The following GAST variants were observed in gnomAD, a reference collection of about 807,000 sequenced individuals.
GAST encodes gastrin.
In GAST, 9 loss-of-function variants were observed where a neutral mutation model predicts 12.5. The observed-to-expected ratio is 0.72, with a 90% CI of 0.43 to 1.25. GAST has a LOEUF of 1.25. GAST is among the 50% of genes most tolerant of loss of function. The pLI is 0.00. For synonymous variants in GAST, 52 were observed against 51.1 expected (o/e 1.02, Z -0.08); for missense variants, 121 against 127.7 (o/e 0.95, Z 0.25).
chr17:41,712,668 G>C (rs1165012919), intron 1 of GAST, among the ~76,000 whole-genome samples: 1 of 152,186 alleles, frequency 6.6e-6, no homozygotes, highest in Non-Finnish European at 1.5e-5. Flanking sequence ...AGGAGGACTG[G>C]GGTTCTTCTC....
intron 1 of GAST, among the ~76,000 whole-genome samples, chr17:41,713,459 A>G (rs7210961): frequency 0.83 from 126,877 of 152,018 alleles, 53,125 homozygotes; most frequent in Middle Eastern, 0.93. Context: ...GGGAGGCTGA[A>G]GCAAGCAGAT....
chr17:41,714,477 A>G (rs1219790213), intron 1 of GAST, among the ~76,000 whole-genome samples: 4 of 152,140 alleles, frequency 2.6e-5, no homozygotes, highest in Non-Finnish European at 5.9e-5. Context: ...TTCACTTTAA[A>G]TAACAAGTCT....
In GAST at chr17:41,715,655, C is replaced by G; in HGVS notation, c.211+8C>G. 6.2e-7 allele frequency: 1 copy of G among 1,612,626 alleles called. No homozygotes were observed. Among genetic ancestry groups the G allele is most frequent in the Non-Finnish European group, 8.5e-7 (1 of 1,179,172 alleles). On this transcript the variant is annotated splice_region_variant and intron_variant, in intron 2 of 2. Coordinates refer to ENST00000329402, the MANE Select transcript of GAST (RefSeq NM_000805.5). ...CCCCACACCTCGTGGCAGGTAGGAG[C>G]TGCTGACTGCCCTGCTTGCCTCACT...
intron 1 of GAST, among the ~76,000 whole-genome samples, chr17:41,714,764 G>T (rs1555585603): frequency 6.6e-6 from 1 of 151,564 alleles, no homozygotes; most frequent in African/African-American, 2.4e-5. Context: ...GACAGAGTGA[G>T]ACCCTGTCTC....
chr17:41,714,960 G>A (rs1218601960), intron 1 of GAST, among the ~76,000 whole-genome samples: 1 of 152,104 alleles, frequency 6.6e-6, no homozygotes, highest in Non-Finnish European at 1.5e-5. Context: ...GGAACTGGCA[G>A]AAACTGGAGA....
intron 1 of GAST, 146 bp downstream of exon 1, chr17:41,712,533 G>C (rs1476536984): frequency 6.6e-6 from 1 of 152,422 alleles, no homozygotes; most frequent in Non-Finnish European, 1.5e-5. Context: ...TCCCAGGATG[G>C]AACTAGGTCT....
chr17:41,714,088 C>T (rs1555585520), intron 1 of GAST, among the ~76,000 whole-genome samples: 2 of 152,226 alleles, frequency 1.3e-5, no homozygotes, highest in Non-Finnish European at 2.9e-5. Context: ...ATTGAATGTG[C>T]TGCAGTCTCC....
chr17:41,715,104 G>A (rs530174780), intron 1 of GAST, among the ~76,000 whole-genome samples: 1 of 152,234 alleles, frequency 6.6e-6, no homozygotes, highest in Admixed American at 6.5e-5. Context: ...TTCGAGACCA[G>A]CCTGGCCAAC....
intron 1 of GAST, among the ~76,000 whole-genome samples, chr17:41,714,438 G>T (rs782190011): frequency 4.6e-5 from 7 of 152,116 alleles, no homozygotes; most frequent in Non-Finnish European, 8.8e-5. Flanking sequence ...CTCCCAAAGT[G>T]CTGGGATTAC....
chr17:41,713,908 TTA>T (rs1221036466), intron 1 of GAST, among the ~76,000 whole-genome samples: 22 of 152,220 alleles, frequency 1.4e-4, no homozygotes, highest in African/African-American at 4.6e-4. Context: ...TAGTTCTGTA[TTA>T]TGTTTTCCCC....
chr17:41,715,502 T>C lies in GAST; in HGVS notation c.66T>C (p.Ser22=). 2.5e-6 allele frequency: 4 copies of C among 1,613,852 alleles called. No individual in the cohort carries two copies. Among genetic ancestry groups the C allele is most frequent in the South Asian group, 1.1e-5 (1 of 91,076 alleles). The change falls in exon 2 of 3, where the codon TCT becomes TCC. Residue 22 remains serine (S), a synonymous_variant. Transcript: ENST00000329402. ...CTCTGGCCGCCTTCTCTGAAGCTTC[T>C]TGGAAGCCCCGCTCCCAGCAGCCAG... ...ALALAAFSEA[S]WKPRSQQPDA...
Position 41,715,863 on chromosome 17 carries a change from T to C in GAST, c.297T>C (p.Asp99=). 7 of 1,604,216 alleles carry C rather than the reference T, an allele frequency of 4.4e-6. No individual in the cohort carries two copies. The highest frequency in any genetic ancestry group is 1.1e-5 in the South Asian group (1 of 89,594). The change falls in exon 3 of 3, where the codon GAT becomes GAC. Residue 99 remains aspartate, a synonymous_variant. Transcript: ENST00000329402. The stretch of plus-strand genomic sequence containing the variant: ...ACTTCGGCCGCCGCAGTGCTGAGGA[T>C]GAGAACTAACAATCCTAGAACCAAG... ...WMDFGRRSAE[D]EN is the part of the protein sequence containing the mutation.
At position 41,715,875 on chromosome 17, in the gene GAST, A is replaced by T; in HGVS notation, c.*3A>T. The stretch of plus-strand genomic sequence containing the variant: ...GCAGTGCTGAGGATGAGAACTAACA[A>T]TCCTAGAACCAAGCTTCAGAGCCTA... On this transcript the variant is annotated 3_prime_UTR_variant, in exon 3 of 3. Transcript: ENST00000329402. 1 of 1,592,752 alleles carries T rather than the reference A, an allele frequency of 6.3e-7. No individual in the cohort carries two copies. Among genetic ancestry groups the T allele is most frequent in the Non-Finnish European group, 8.5e-7 (1 of 1,172,464 alleles).
In GAST at chr17:41,712,364, A is replaced by C. The variant is rs1445864662; in HGVS notation, c.-29A>C. 1 of 152,418 alleles carries C rather than the reference A, an allele frequency of 6.6e-6. No homozygotes were observed. Among genetic ancestry groups the C allele is most frequent in the African/African-American group, 2.4e-5 (1 of 41,418 alleles). The allele number at this position is 152,418 out of a possible 1,614,324, so 9.4% of individuals were successfully genotyped here. ...GAGAGGCACCAGGCCCAGCCGTGGC[A>C]CCACACACCTCCCAGCTCTGCAGGT... On this transcript the variant is annotated 5_prime_UTR_variant, in exon 1 of 3. Transcript: ENST00000329402.
Position 41,715,893 on chromosome 17 carries a change from A to G in GAST, c.*21A>G, listed in dbSNP as rs1910971498. 1 of 1,570,876 alleles carries G rather than the reference A, an allele frequency of 6.4e-7. No individual in the cohort carries two copies. The highest frequency in any genetic ancestry group is 1.4e-5 in the African/African-American group (1 of 73,034). ...ACTAACAATCCTAGAACCAAGCTTCAGAGCCTAGCCACCTCCCACCCCACT... is the reference window on the plus strand; with the variant it reads ...ACTAACAATCCTAGAACCAAGCTTCGGAGCCTAGCCACCTCCCACCCCACT... On this transcript the variant is annotated 3_prime_UTR_variant, in exon 3 of 3. Transcript: ENST00000329402.
rs868919821 is a variant in GAST, at chr17:41,715,304, A to G, written c.-5-128A>G. 8.2e-3 allele frequency: 5,890 copies of G among 716,320 alleles called. 56 individuals carry two copies. The highest frequency in any genetic ancestry group is 0.012 in the Middle Eastern group (29 of 2,368). 44.4% of individuals were successfully genotyped at this position (716,320 alleles called of 1,614,324 possible). A position where few individuals can be genotyped will look rare whatever the true frequency, so the allele number is the denominator to read the frequency against. ...AACAAGAGTGAAACTCTGTCTAAAA[A>G]AAAAAAAAAGAAAGAATTGCACACT... On this transcript the variant is annotated intron_variant, in intron 1 of 2. Transcript: ENST00000329402.
chr17:41,715,669 G>T (rs1555585815), intron 2 of GAST, 22 bp downstream of exon 2: 1 of 1,610,148 alleles, frequency 6.2e-7, no homozygotes, highest in Non-Finnish European at 8.5e-7. Context: ...TGACTGCCCT[G>T]CTTGCCTCAC....
Position 41,715,598 on chromosome 17 carries a change from T to G in GAST, c.162T>G (p.Ser54=), listed in dbSNP as rs541626472. 6.2e-7 allele frequency: 1 copy of G among 1,613,708 alleles called. No individual in the cohort carries two copies. Among genetic ancestry groups the G allele is most frequent in the South Asian group, 1.1e-5 (1 of 91,086 alleles). Residue 54 remains serine (S), a synonymous_variant, in exon 2 of 3, where the codon TCT becomes TCG. Coordinates refer to ENST00000329402, the MANE Select transcript of GAST (RefSeq NM_000805.5). The stretch of plus-strand genomic sequence containing the variant: ...GGCTGGAGCAGCAGGGCCCAGCCTC[T>G]CATCATCGAAGGCAGCTGGGACCCC... ...LPWLEQQGPA[S]HHRRQLGPQG...
At position 41,715,643 on chromosome 17, in the gene GAST, G is replaced by A. The variant is rs1555585801; in HGVS notation, c.207G>A (p.Val69=). 1.2e-6 allele frequency: 2 copies of A among 1,613,396 alleles called. No homozygotes were observed. The highest frequency in any genetic ancestry group is 1.7e-6 in the Non-Finnish European group (2 of 1,179,712). The part of the protein sequence containing the change: ...QLGPQGPPHL[V]ADPSKKQGPW... ...GACCCCAGGGTCCCCCACACCTCGTGGCAGGTAGGAGCTGCTGACTGCCCT... is the reference window on the plus strand; with the variant it reads ...GACCCCAGGGTCCCCCACACCTCGTAGCAGGTAGGAGCTGCTGACTGCCCT... The change falls in exon 2 of 3, where the codon GTG becomes GTA. Residue 69 remains valine, a synonymous_variant. Coordinates refer to ENST00000329402, the MANE Select transcript of GAST (RefSeq NM_000805.5).
Sources: gnomAD v4.1 joint callset for allele counts (sites outside exome capture counted in the v4.1 genomes callset) on GRCh38, gnomAD v4.1.1 for gene constraint, MANE v1.5 for transcripts, NCBI Gene and HGNC (gene_info 2026-07-23, HGNC 2026-07-21) for gene names.